The following IGSF11 variants were observed in gnomAD, a reference collection of about 807,000 sequenced individuals.
IGSF11 encodes the protein immunoglobulin superfamily member 11, also known as CXADR like 1.
A neutral mutation model predicts 41.0 loss-of-function variants in IGSF11; 22 were observed. That is an observed-to-expected ratio of 0.54 (90% CI 0.38 to 0.77). The LOEUF is 0.77. Among genes scored for constraint, IGSF11 ranks in the 30% least tolerant of loss-of-function variants. IGSF11 has a pLI of 0.00. For missense variants in IGSF11, 444 were observed against 530.8 expected (o/e 0.84, Z 1.61); for synonymous variants, 219 against 201.3 (o/e 1.09, Z -0.74).
chr3:119,087,861 C>A (rs2076702093), intron 1 of IGSF11, among the ~76,000 whole-genome samples: 1 of 152,014 alleles, frequency 6.6e-6, no homozygotes, highest in Non-Finnish European at 1.5e-5. Flanking sequence ...AGGGTACAAT[C>A]TGACAAGATG....
At chr3:119,080,516 G>C (rs1374364422) in intron 1 of IGSF11, among the ~76,000 whole-genome samples, 1 of 152,192 alleles carries the variant, frequency 6.6e-6, no homozygotes, top group Non-Finnish European at 1.5e-5. Flanking sequence ...GAAGTCTTCT[G>C]CAAGAACAAG....
At position 119,118,976 on chromosome 3, in the gene IGSF11, G is replaced by A. The variant is rs372133812; in HGVS notation, c.-13-13771C>T. Among the ~76,000 whole-genome samples the A allele has an allele frequency of 2.6e-5, 4 of 152,162 alleles. No individual in the cohort carries two copies. The East Asian group carries it at 7.7e-4, about 29-fold the overall frequency. ...TCTCCAGCTGAGACCATCTCAGCCT[G>A]GATTTCATTGTCCATATCATTATTG... On this transcript the variant is annotated intron_variant, in intron 1 of 7. Transcript: ENST00000425327.
At chr3:119,111,479 G>A (rs188607311) in intron 1 of IGSF11, among the ~76,000 whole-genome samples, 160 of 152,248 alleles carry the variant, frequency 1.1e-3, no homozygotes, top group African/African-American at 3.8e-3. Flanking sequence ...GGTTATTCTA[G>A]TCATATATTC....
At chr3:119,044,697 A>G (rs114120957) in intron 1 of IGSF11, among the ~76,000 whole-genome samples, 5,721 of 152,344 alleles carry the variant, frequency 0.038, 178 homozygotes, top group Non-Finnish European at 0.049. Context: ...AGGAAAAGCT[A>G]TCAGACTAAC....
chr3:118,924,787 A>G (rs1430372258), intron 4 of IGSF11, among the ~76,000 whole-genome samples: 8 of 152,070 alleles, frequency 5.3e-5, no homozygotes, highest in Non-Finnish European at 1.2e-4. Flanking sequence ...TATTATAAAT[A>G]AAAAAAGAAA....
intron 1 of IGSF11, among the ~76,000 whole-genome samples, chr3:118,995,684 G>A (rs888785278): frequency 2.6e-5 from 4 of 151,920 alleles, no homozygotes; most frequent in Admixed American, 6.6e-5. Context: ...ACAGAGTCTC[G>A]CTCTGTTGCC....
intron 1 of IGSF11, among the ~76,000 whole-genome samples, chr3:119,052,335 C>A (rs929304560): frequency 6.6e-6 from 1 of 151,750 alleles, no homozygotes; most frequent in Non-Finnish European, 1.5e-5. Flanking sequence ...CAAAAATTAT[C>A]CAGGTGTGGT....
At chr3:118,913,947 G>A (rs528466815) in intron 4 of IGSF11, among the ~76,000 whole-genome samples, 1 of 152,154 alleles carries the variant, frequency 6.6e-6, no homozygotes, top group South Asian at 2.1e-4. Context: ...CCAAAAAATG[G>A]CTAATAGGAG....
Position 118,902,602 on chromosome 3 carries a change from G to A in IGSF11, c.1214C>T (p.Thr405Ile). 20 of 1,614,104 alleles carry A rather than the reference G, an allele frequency of 1.2e-5. No homozygotes were observed. Among genetic ancestry groups the A allele is most frequent in the Non-Finnish European group, 1.7e-5 (20 of 1,179,990 alleles). Residue 405 changes from threonine (T) to isoleucine (I), a missense_variant, in exon 7 of 7, where the codon ACC (threonine) becomes ATC (isoleucine). Coordinates refer to ENST00000393775, the MANE Select transcript of IGSF11 (RefSeq NM_001015887.3). ...TCGTTCCAGTGTTGCGTGGCTGATG[G>A]TGTAGGAATGAGTGTGTGGAGGCCG... ...KPRPPHTHSY[T>I]ISHATLERIG...
At chr3:118,982,097 C>A (rs1445201037) in intron 1 of IGSF11, among the ~76,000 whole-genome samples, 1 of 152,094 alleles carries the variant, frequency 6.6e-6, no homozygotes, top group Non-Finnish European at 1.5e-5. Context: ...AAGGTACCTG[C>A]CAGTATATTC....
intron 1 of IGSF11, among the ~76,000 whole-genome samples, chr3:119,138,386 C>G (rs1038968375): frequency 6.6e-6 from 1 of 152,026 alleles, no homozygotes; most frequent in Non-Finnish European, 1.5e-5. Flanking sequence ...TACCACTTAG[C>G]CATAAAAAAC....
At chr3:119,136,207 TATA>T (rs1362125085) in intron 1 of IGSF11, among the ~76,000 whole-genome samples, 1 of 151,322 alleles carries the variant, frequency 6.6e-6, no homozygotes, top group Non-Finnish European at 1.5e-5. Flanking sequence ...GTACTTAAAG[TATA>T]ATAATTAAAA....
chr3:119,006,308 G>C (rs1937494857), intron 1 of IGSF11, among the ~76,000 whole-genome samples: 1 of 102,464 alleles, frequency 9.8e-6, no homozygotes, highest in African/African-American at 5.9e-5. Flanking sequence ...TTGGTTTTCA[G>C]CTCCATCAGC....
intron 5 of IGSF11, among the ~76,000 whole-genome samples, chr3:118,905,121 A>C (rs1203164460): frequency 6.6e-6 from 1 of 152,158 alleles, no homozygotes; most frequent in Admixed American, 6.5e-5. Context: ...TGAATGCTGG[A>C]AACTAGGGGA....
rs549693102 is a variant in IGSF11 at position 118,950,779 on chromosome 3, C to T, written c.53-20504G>A. ...TTACTCTGTTCCCCTATGGAATTTT[C>T]TCCTCAACCTGGACAATCAACTAAT... is the stretch of plus-strand genomic sequence containing the variant. On this transcript the variant is annotated intron_variant, in intron 1 of 6. Transcript: ENST00000393775. 6.6e-5 allele frequency among the ~76,000 whole-genome samples: 10 copies of T among 152,274 alleles called. No homozygotes were observed. The East Asian group carries it at 1.9e-3, about 29-fold the overall frequency.
At chr3:118,969,385 G>C (rs1432028011) in intron 1 of IGSF11, among the ~76,000 whole-genome samples, 1 of 152,162 alleles carries the variant, frequency 6.6e-6, no homozygotes, top group African/African-American at 2.4e-5. Flanking sequence ...AGTTAGGCGG[G>C]AAGCTGAGAA....
intron 1 of IGSF11, among the ~76,000 whole-genome samples, chr3:118,984,837 C>A (rs1301213775): frequency 6.6e-6 from 1 of 152,088 alleles, no homozygotes; most frequent in Non-Finnish European, 1.5e-5. Context: ...AGAAGATTAT[C>A]CCAAAAATGC....
intron 3 of IGSF11, 136 bp from the exon 4 acceptor site, chr3:118,926,392 C>T (rs998641067): frequency 1.4e-5 from 9 of 654,390 alleles, no homozygotes; most frequent in African/African-American, 7.5e-5. Context: ...ACAGACTCAC[C>T]GCCTGAACCC....
chr3:118,948,814 TA>T (rs200343984), intron 1 of IGSF11, among the ~76,000 whole-genome samples: 1 of 149,142 alleles, frequency 6.7e-6, no homozygotes, highest in African/African-American at 2.5e-5. Context: ...AAATAAAAAA[TA>T]AAAAAAAATA....
Sources: gnomAD v4.1 joint callset for allele counts (sites outside exome capture counted in the v4.1 genomes callset) on GRCh38, gnomAD v4.1.1 for gene constraint, MANE v1.5 for transcripts, NCBI Gene and HGNC (gene_info 2026-07-23, HGNC 2026-07-21) for gene names.